RABGEF1: variants seen among roughly 807,000 people sequenced by gnomAD.
RABGEF1 encodes the protein rab5 GDP/GTP exchange factor.
Under a neutral mutation model 57.3 loss-of-function variants are expected in RABGEF1, and 26 were observed. The ratio of observed to expected loss-of-function variants is 0.45; its 90% CI spans 0.33 to 0.63. RABGEF1 has a LOEUF of 0.63. Ranked by LOEUF, RABGEF1 falls within the 20% of genes least tolerant of loss-of-function variation. The pLI is 0.02. For missense variants in RABGEF1, 464 were observed against 607.6 expected (o/e 0.76, Z 2.48); for synonymous variants, 185 against 210.7 (o/e 0.88, Z 1.06).
At chr7:66,692,277 C>T (rs1238570177) in intron 1 of RABGEF1, among the ~76,000 whole-genome samples, 10 of 152,204 alleles carry the variant, frequency 6.6e-5, no homozygotes, top group Admixed American at 6.5e-4. Context: ...CTCTGCTGCT[C>T]ATTAGCGGAC....
chr7:66,691,526 G>A (rs1384269815), intron 1 of RABGEF1, among the ~76,000 whole-genome samples: 1 of 152,148 alleles, frequency 6.6e-6, no homozygotes, highest in African/African-American at 2.4e-5. Context: ...CACATGGTCT[G>A]TGACTTACAA....
rs1190460797 is a variant in RABGEF1 at position 66,799,427 on chromosome 7, A to G, written c.820+13A>G. On this transcript the variant is annotated intron_variant, in intron 7 of 8. Coordinates refer to ENST00000284957, the MANE Select transcript of RABGEF1 (RefSeq NM_014504.3). Reference sequence around the variant, plus strand: ...AAGGCGATCACAGGTCAGTGAAACCAAGAGCCTTTTTATTGGGATGTTTTC... The same window carrying G: ...AAGGCGATCACAGGTCAGTGAAACCGAGAGCCTTTTTATTGGGATGTTTTC... 6.4e-7 allele frequency: 1 copy of G among 1,565,674 alleles called. No individual in the cohort carries two copies. The highest frequency in any genetic ancestry group is 8.8e-7 in the Non-Finnish European group (1 of 1,136,996).
At chr7:66,701,656 C>G (rs1793288190) in intron 1 of RABGEF1, among the ~76,000 whole-genome samples, 1 of 151,976 alleles carries the variant, frequency 6.6e-6, no homozygotes, top group Non-Finnish European at 1.5e-5. Context: ...TTACAGGTGC[C>G]TGCCACCACC....
At chr7:66,795,900 A>G (rs924825105) in intron 5 of RABGEF1, among the ~76,000 whole-genome samples, 2 of 152,202 alleles carry the variant, frequency 1.3e-5, no homozygotes, top group Non-Finnish European at 2.9e-5. Context: ...GCACTTTGGG[A>G]GGCTAAAGCA....
chr7:66,722,896 A>C (rs1796202517), intron 2 of RABGEF1, among the ~76,000 whole-genome samples: 1 of 152,226 alleles, frequency 6.6e-6, no homozygotes, highest in Admixed American at 6.5e-5. Context: ...TTTTAACAAT[A>C]TTAAGTCTTC....
the RABGEF1 span, among the ~76,000 whole-genome samples, chr7:66,667,819 A>G: frequency 6.6e-6 from 1 of 152,094 alleles, no homozygotes; most frequent in Non-Finnish European, 1.5e-5. Context: ...TATGTTTGAG[A>G]TGGAGTCTTG....
chr7:66,727,903 C>T (rs374360626), intron 2 of RABGEF1, among the ~76,000 whole-genome samples: 3 of 152,022 alleles, frequency 2.0e-5, no homozygotes, highest in Admixed American at 1.3e-4. Context: ...GCCTCTGGAG[C>T]CTTTTGCCAC....
chr7:66,657,826 AAATC>A, the RABGEF1 span, among the ~76,000 whole-genome samples: 2 of 152,166 alleles, frequency 1.3e-5, no homozygotes, highest in African/African-American at 4.8e-5. Flanking sequence ...ATCTCAAAAA[AAATC>A]AATAAAAATA....
rs1786166703 is a variant in RABGEF1, at chr7:66,797,228, C to G, written c.596-146C>G. 4 of 745,202 alleles carry G rather than the reference C, an allele frequency of 5.4e-6. No individual in the cohort carries two copies. In the South Asian group the frequency reaches 7.8e-5, roughly 14 times the overall value. The allele number at this position is 745,202 out of a possible 1,614,324, so 46.2% of individuals were successfully genotyped here. A position where few individuals can be genotyped will look rare whatever the true frequency, so the allele number is the denominator to read the frequency against. ...CTGAGGTAGGAGAATGGCTCGAGCC[C>G]AGGAGGTGGAGGTTTCAGTGAGCCA... On this transcript the variant is annotated intron_variant, in intron 5 of 8. Coordinates refer to ENST00000284957, the MANE Select transcript of RABGEF1 (RefSeq NM_014504.3).
rs534175408 is a variant in RABGEF1 at position 66,751,133 on chromosome 7, C to CA, written c.-18+10343dup. On this transcript the variant is annotated intron_variant, in intron 1 of 8. Coordinates refer to ENST00000284957, the MANE Select transcript of RABGEF1 (RefSeq NM_014504.3). ...GCAACCTCCACCTCCCAGGTTCAAG[C>CA]AATTCTCCTGCCTCAGCCTCCTGAG... Among the ~76,000 whole-genome samples, 707 of 151,794 alleles carry CA rather than the reference C, an allele frequency of 4.7e-3. 3 individuals are homozygous for CA. The highest frequency in any genetic ancestry group is 6.9e-3 in the Non-Finnish European group (472 of 67,954).
the RABGEF1 span, among the ~76,000 whole-genome samples, chr7:66,655,452 G>A: frequency 6.6e-6 from 1 of 152,172 alleles, no homozygotes; most frequent in Non-Finnish European, 1.5e-5. Context: ...AATTTTCCCA[G>A]GACGAGTTTA....
At chr7:66,773,066 CCT>C (rs1317933114) in intron 2 of RABGEF1, among the ~76,000 whole-genome samples, 1 of 148,962 alleles carries the variant, frequency 6.7e-6, no homozygotes, top group Non-Finnish European at 1.5e-5. Flanking sequence ...TCTGCCAACT[CCT>C]CTAGCTAGTT....
rs987406541 is a variant in RABGEF1 at position 66,727,297 on chromosome 7, T to C, written c.-814-12699T>C. Among the ~76,000 whole-genome samples, 7 of 152,314 alleles carry C rather than the reference T, an allele frequency of 4.6e-5. No individual in the cohort carries two copies. The East Asian group carries it at 1.2e-3, about 25-fold the overall frequency. On this transcript the variant is annotated intron_variant and NMD_transcript_variant, in intron 2 of 9. Coordinates refer to the RABGEF1 transcript ENST00000607882. ...TGGAGCTGGCCCTGGTTCTTGTCCG[T>C]GGGACAGGGTGAGTCAGGGGATTGA...
intron 1 of RABGEF1, among the ~76,000 whole-genome samples, chr7:66,692,955 C>T (rs1791753266): frequency 6.6e-6 from 1 of 152,100 alleles, no homozygotes; most frequent in African/African-American, 2.4e-5. Flanking sequence ...ATACCAGGCT[C>T]AAGGCCCCCC....
chr7:66,655,000 C>T, the RABGEF1 span, among the ~76,000 whole-genome samples: 3 of 152,216 alleles, frequency 2.0e-5, no homozygotes, highest in African/African-American at 7.2e-5. Flanking sequence ...AGGACGCTGG[C>T]TCCGAAGCAA....
upstream of RABGEF1, among the ~76,000 whole-genome samples, chr7:66,738,731 C>CAAAAA (rs546724986): frequency 1.6e-4 from 15 of 94,968 alleles, 1 homozygote; most frequent in East Asian, 2.2e-3. Flanking sequence ...GACTCTAACT[C>CAAAAA]AAAAAAAAAA....
rs1459507720 is a variant in RABGEF1 at position 66,683,706 on chromosome 7, G to A, written c.-873+1448G>A. On this transcript the variant is annotated intron_variant and NMD_transcript_variant, in intron 1 of 9. Transcript: ENST00000607882. ...AGAGGGGGGAACCAAAGGAGGGGAG[G>A]CCAGTAACTACAAGGAGGTGCTTAT... Among the ~76,000 whole-genome samples, 9 of 150,664 alleles carry A rather than the reference G, an allele frequency of 6.0e-5. No homozygotes were observed. In the Admixed American group the frequency reaches 6.0e-4, roughly 10 times the overall value.
At chr7:66,794,464 C>T (rs1186367405) in intron 4 of RABGEF1, among the ~76,000 whole-genome samples, 4 of 151,876 alleles carry the variant, frequency 2.6e-5, no homozygotes, top group African/African-American at 7.3e-5. Flanking sequence ...TTTCTAGTCT[C>T]TTGTGCTGAA....
intron 2 of RABGEF1, among the ~76,000 whole-genome samples, chr7:66,724,546 G>A (rs1796395125): frequency 1.3e-5 from 2 of 152,078 alleles, no homozygotes; most frequent in African/African-American, 4.8e-5. Flanking sequence ...TTTTAGTAGA[G>A]ACAGGGTTTC....
Sources: allele counts gnomAD v4.1 joint callset (sites outside exome capture counted in the v4.1 genomes callset), GRCh38; gene constraint gnomAD v4.1.1; transcripts MANE v1.5; gene names NCBI Gene and HGNC (gene_info 2026-07-23, HGNC 2026-07-21).